Variants in CALD1 observed in about 807,000 individuals in gnomAD.
CALD1 encodes caldesmon.
In CALD1, 33 loss-of-function variants were observed where a neutral mutation model predicts 99.9. The ratio of observed to expected loss-of-function variants is 0.33; its 90% CI spans 0.25 to 0.44. The LOEUF is 0.44. Among genes scored for constraint, CALD1 ranks in the 20% least tolerant of loss-of-function variants. The probability of loss-of-function intolerance (pLI) is 1.00; values close to 1 mark genes in which losing one functional copy is unlikely to be tolerated. For missense variants in CALD1, 861 were observed against 962.1 expected (o/e 0.89, Z 1.39); for synonymous variants, 310 against 325.0 (o/e 0.95, Z 0.50).
chr7:134,725,820 G>A, the CALD1 span, among the ~76,000 whole-genome samples: 1 of 152,188 alleles, frequency 6.6e-6, no homozygotes, highest in East Asian at 1.9e-4. Flanking sequence ...GAGGCAGGAG[G>A]AGATTAGATG....
rs142126883 is a variant in CALD1 at position 134,938,294 on chromosome 7, C to T, written c.1386+2529C>T. On this transcript the variant is annotated intron_variant, in intron 6 of 14. Coordinates refer to ENST00000361675, the MANE Select transcript of CALD1 (RefSeq NM_033138.4). ...GGAACCAAATAATGCAAAATATGCT[C>T]GAGACACATCTCAGTTCTTGCTTGC... Among the ~76,000 whole-genome samples the T allele has an allele frequency of 1.4e-3, 218 of 152,266 alleles. 4 individuals carry two copies. Among genetic ancestry groups the T allele is most frequent in the African/African-American group, 4.9e-3 (203 of 41,538 alleles).
chr7:134,788,287 T>A (rs1797383641), intron 1 of CALD1, among the ~76,000 whole-genome samples: 4 of 152,246 alleles, frequency 2.6e-5, no homozygotes, highest in Admixed American at 2.0e-4. Flanking sequence ...TATAAAATGC[T>A]GTGCAACTGA....
intron 3 of CALD1, among the ~76,000 whole-genome samples, chr7:134,925,792 T>C (rs946765292): frequency 3.3e-5 from 5 of 152,112 alleles, no homozygotes; most frequent in African/African-American, 1.2e-4. Context: ...ACCCTATCAA[T>C]AGGGATGTCC....
the CALD1 span, among the ~76,000 whole-genome samples, chr7:134,732,594 A>G: frequency 1.1e-4 from 2 of 18,570 alleles, no homozygotes; most frequent in Non-Finnish European, 8.7e-5. Context: ...CCAGCCTCCA[A>G]AACTGTGAGA....
chr7:134,936,905 C>T (rs561650467), intron 6 of CALD1, among the ~76,000 whole-genome samples: 1 of 152,286 alleles, frequency 6.6e-6, no homozygotes. Flanking sequence ...ATTTAGCTCT[C>T]ATGAGGCAGT....
At chr7:134,735,376 T>C in the CALD1 span, among the ~76,000 whole-genome samples, 2 of 152,192 alleles carry the variant, frequency 1.3e-5, no homozygotes, top group Non-Finnish European at 2.9e-5. Flanking sequence ...CCATTCAGTA[T>C]ATTTGAATAA....
intron 1 of CALD1, among the ~76,000 whole-genome samples, chr7:134,817,032 A>T (rs1563021498): frequency 6.6e-6 from 1 of 152,324 alleles, no homozygotes; most frequent in Non-Finnish European, 1.5e-5. Context: ...AGACCAACGG[A>T]GAGCTGTTCC....
At chr7:134,940,593 G>A (rs1233837021) in intron 6 of CALD1, among the ~76,000 whole-genome samples, 1 of 152,178 alleles carries the variant, frequency 6.6e-6, no homozygotes, top group Non-Finnish European at 1.5e-5. Context: ...TAAAATACTG[G>A]TCTTCGCCAG....
chr7:134,901,494 G>A (rs930773182), intron 3 of CALD1, among the ~76,000 whole-genome samples: 2 of 152,078 alleles, frequency 1.3e-5, no homozygotes, highest in Non-Finnish European at 1.5e-5. Context: ...AGATGAATCT[G>A]GGGGAGCTTC....
chr7:134,943,287 C>T (rs910931267), intron 7 of CALD1, among the ~76,000 whole-genome samples: 12 of 50,186 alleles, frequency 2.4e-4, no homozygotes, highest in Admixed American at 8.7e-4. Context: ...AAGCCAAGGA[C>T]GGGGGTAGGG....
intron 1 of CALD1, among the ~76,000 whole-genome samples, chr7:134,802,550 T>G (rs761823215): frequency 1.1e-4 from 16 of 152,222 alleles, no homozygotes; most frequent in Non-Finnish European, 1.6e-4. Context: ...ATGATGGGGT[T>G]ATATCCTGAT....
At chr7:134,883,963 A>T (rs1035431636) in intron 3 of CALD1, among the ~76,000 whole-genome samples, 35 of 152,208 alleles carry the variant, frequency 2.3e-4, no homozygotes, top group African/African-American at 8.4e-4. Flanking sequence ...TTAGCCGGGC[A>T]TGGTGGCACA....
At chr7:134,870,870 C>A (rs1454150908) in intron 3 of CALD1, among the ~76,000 whole-genome samples, 1 of 152,128 alleles carries the variant, frequency 6.6e-6, no homozygotes, top group Admixed American at 6.5e-5. Context: ...AGCCCATGAC[C>A]ACCCTTCAGG....
intron 3 of CALD1, among the ~76,000 whole-genome samples, chr7:134,883,874 G>A (rs943477553): frequency 8.5e-5 from 13 of 152,258 alleles, no homozygotes; most frequent in African/African-American, 2.4e-4. Flanking sequence ...TTGGGAGGCC[G>A]AGGCGGGTGG....
At chr7:134,770,894 T>C (rs776826768) in intron 1 of CALD1, among the ~76,000 whole-genome samples, 30 of 152,298 alleles carry the variant, frequency 2.0e-4, no homozygotes, top group Non-Finnish European at 3.2e-4. Context: ...GCAAACCACA[T>C]GGTCAAGTCC....
Position 134,783,411 on chromosome 7 carries a change from G to T in CALD1, c.-130+3662G>T, listed in dbSNP as rs1307520052. Among the ~76,000 whole-genome samples the T allele has an allele frequency of 6.6e-6, 1 of 152,168 alleles. No homozygotes were observed. The highest frequency in any genetic ancestry group is 1.9e-4 in the East Asian group (1 of 5,192). On this transcript the variant is annotated intron_variant, in intron 1 of 14. Transcript: ENST00000361675. This position sits in a 1 kb window ranked among gnomAD's most constrained non-coding sequence, Gnocchi z 4.3. ...CTAAGATGAGGCCCAGAGTACAGCA[G>T]AACACTCTAGCACAGATAGGTTCTA...
intron 3 of CALD1, among the ~76,000 whole-genome samples, chr7:134,903,567 A>C (rs571310121): frequency 6.6e-6 from 1 of 152,274 alleles, no homozygotes; most frequent in South Asian, 2.1e-4. Context: ...GTGGTTTGGC[A>C]GCAAGCTTTG....
At chr7:134,862,636 C>T (rs1325911721) in intron 2 of CALD1, among the ~76,000 whole-genome samples, 1 of 152,124 alleles carries the variant, frequency 6.6e-6, no homozygotes. Context: ...CTGTATGATG[C>T]TACTATGGTG....
In CALD1 at chr7:134,899,524, G is replaced by C. The variant is rs143063824; in HGVS notation, c.72-29230G>C. 3.3e-5 allele frequency among the ~76,000 whole-genome samples: 5 copies of C among 152,332 alleles called. No homozygotes were observed. In the East Asian group the frequency reaches 9.6e-4, roughly 29 times the overall value. On this transcript the variant is annotated intron_variant, in intron 3 of 14. Transcript: ENST00000361675. Reference sequence around the variant, plus strand: ...AGCCAGAATGCTTCATTCAAGGCCTGCTGAATTCCTATTCGGAGCCTAACC... The same window carrying C: ...AGCCAGAATGCTTCATTCAAGGCCTCCTGAATTCCTATTCGGAGCCTAACC...
Sources: allele counts gnomAD v4.1 joint callset (sites outside exome capture counted in the v4.1 genomes callset), GRCh38; gene constraint gnomAD v4.1.1; non-coding constraint Gnocchi (gnomAD v3.1); transcripts MANE v1.5; gene names NCBI Gene and HGNC (gene_info 2026-07-23, HGNC 2026-07-21).